The following CPS1 variants were observed in gnomAD, a reference collection of about 807,000 sequenced individuals.
The protein encoded by CPS1 is carbamoyl-phosphate synthase [ammonia], mitochondrial.
In CPS1, 109 loss-of-function variants were observed where a neutral mutation model predicts 174.6. The ratio of observed to expected loss-of-function variants is 0.62; its 90% CI spans 0.53 to 0.73. The LOEUF (loss-of-function observed/expected upper bound fraction) is 0.73. CPS1 is among the 30% of genes least tolerant of loss of function. The pLI is 0.00. For synonymous variants in CPS1, 637 were observed against 632.0 expected (o/e 1.01, Z -0.12); for missense variants, 1,689 against 1,821.9 (o/e 0.93, Z 1.33).
intron 11 of CPS1, chr2:210,593,440 T>C: frequency 9.9e-7 from 1 of 1,006,014 alleles, no homozygotes; most frequent in Non-Finnish European, 1.2e-6. Context: ...CATACATAGA[T>C]GATTCAGACG....
chr2:210,636,188 G>A (rs1248372417), intron 21 of CPS1, among the ~76,000 whole-genome samples: 7 of 152,044 alleles, frequency 4.6e-5, no homozygotes, highest in African/African-American at 1.7e-4. Context: ...CTGGCCCACA[G>A]GTATCTGGTT....
intron 1 of CPS1, among the ~76,000 whole-genome samples, chr2:210,505,661 GCA>G (rs1695258529): frequency 6.6e-6 from 1 of 152,180 alleles, no homozygotes; most frequent in South Asian, 2.1e-4. Flanking sequence ...GTGACAGAGG[GCA>G]CCTGGAAAAT....
chr2:210,656,480 A>T, intron 29 of CPS1, 45 bp from the exon 30 acceptor site: 1 of 1,403,658 alleles, frequency 7.1e-7, no homozygotes, highest in Non-Finnish European at 1.0e-6. Context: ...TGAAGGAAGT[A>T]CCTGAAAACT....
At chr2:210,513,848 TC>T (rs1199339048) in intron 1 of CPS1, among the ~76,000 whole-genome samples, 1 of 152,138 alleles carries the variant, frequency 6.6e-6, no homozygotes, top group Non-Finnish European at 1.5e-5. Flanking sequence ...TAATCCATCT[TC>T]AGTGGCTTTT....
At position 210,647,973 on chromosome 2, in the gene CPS1, C is replaced by T; in HGVS notation, c.3252C>T (p.Asp1084=). The T allele has an allele frequency of 6.2e-7, 1 of 1,614,052 alleles. No homozygotes were observed. The highest frequency in any genetic ancestry group is 8.5e-7 in the Non-Finnish European group (1 of 1,179,948). The change falls in exon 26 of 38, where the codon GAC becomes GAT. Residue 1084 remains aspartate, a synonymous_variant. Coordinates refer to ENST00000233072, the MANE Select transcript of CPS1 (RefSeq NM_001875.5). ...TGGGCACAAGCCCCCTGCAGATCGA[C>T]AGGGCTGAGGATCGCTCCATCTTCT... ...KIMGTSPLQI[D]RAEDRSIFSA...
chr2:210,634,781 CTAAA>C (rs1699991531), intron 21 of CPS1, among the ~76,000 whole-genome samples: 1 of 152,298 alleles, frequency 6.6e-6, no homozygotes, highest in South Asian at 2.1e-4. Flanking sequence ...CACGTACTCA[CTAAA>C]TGTTAAAGCA....
chr2:210,653,151 G>GAA (rs1337754155), intron 28 of CPS1, among the ~76,000 whole-genome samples: 2 of 152,082 alleles, frequency 1.3e-5, no homozygotes, highest in African/African-American at 4.8e-5. Flanking sequence ...AAGCTGAGGA[G>GAA]AAAAGATAGA....
At chr2:210,596,719 C>T (rs976311570) in intron 13 of CPS1, among the ~76,000 whole-genome samples, 3 of 151,906 alleles carry the variant, frequency 2.0e-5, no homozygotes, top group Non-Finnish European at 4.4e-5. Context: ...AGTTAGTACA[C>T]AATCTAAGTG....
chr2:210,594,485 T>A, intron 11 of CPS1, 23 bp from the exon 12 acceptor site: 1 of 1,525,768 alleles, frequency 6.6e-7, no homozygotes, highest in East Asian at 2.3e-5. Context: ...AGCTTCTAAC[T>A]AGTTGGTTGT....
intron 1 of CPS1, among the ~76,000 whole-genome samples, chr2:210,497,918 A>ATATATATATATATATC (rs970136471): frequency 2.8e-5 from 4 of 142,190 alleles, no homozygotes; most frequent in African/African-American, 5.3e-5. Flanking sequence ...ATATATATAT[A>ATATATATATATATATC]TCTCCAGTAA....
intron 1 of CPS1, among the ~76,000 whole-genome samples, chr2:210,521,861 CTG>C (rs1417818802): frequency 2.0e-5 from 3 of 151,886 alleles, no homozygotes; most frequent in African/African-American, 7.2e-5. Context: ...ATGTCAGACA[CTG>C]TGATTTATTT....
At chr2:210,593,423 G>C in intron 11 of CPS1, 1 of 1,048,986 alleles carries the variant, frequency 9.5e-7, no homozygotes, top group East Asian at 7.9e-5. Context: ...GAGAGGGCAT[G>C]CATGCACATA....
At chr2:210,602,179 T>C in intron 15 of CPS1, 23 bp from the exon 16 acceptor site, 1 of 1,611,770 alleles carries the variant, frequency 6.2e-7, no homozygotes. Context: ...TTTAAAATGT[T>C]GAGTCCTTGT....
At position 210,556,946 on chromosome 2, in the gene CPS1, A is replaced by G. The variant is rs545049698; in HGVS notation, c.126+87A>G. The G allele has an allele frequency of 3.8e-5, 55 of 1,449,674 alleles. No individual in the cohort carries two copies. In the East Asian group the frequency reaches 7.1e-4, roughly 19 times the overall value. The allele number at this position is 1,449,674 out of a possible 1,614,324, so 89.8% of individuals were successfully genotyped here. A position where few individuals can be genotyped will look rare whatever the true frequency, so the allele number is the denominator to read the frequency against. On this transcript the variant is annotated intron_variant, in intron 1 of 37. Coordinates refer to ENST00000233072, the MANE Select transcript of CPS1 (RefSeq NM_001875.5). The stretch of plus-strand genomic sequence containing the variant: ...AAGGTGTCCCTTACAAGGCAAATAC[A>G]GTTTTGAATGTAGCTCTGAAGTACT...
chr2:210,617,586 T>C (rs190044776), intron 21 of CPS1: 1 of 152,144 alleles, frequency 6.6e-6, no homozygotes, highest in Admixed American at 6.6e-5. Context: ...AACACTTGCT[T>C]TTCTTTTTGA....
intron 1 of CPS1, among the ~76,000 whole-genome samples, chr2:210,562,880 T>A (rs1697150820): frequency 6.6e-6 from 1 of 152,038 alleles, no homozygotes; most frequent in Admixed American, 6.6e-5. Flanking sequence ...TTTTTTTTTT[T>A]TTTCAAACCT....
Position 210,648,043 on chromosome 2 carries a change from G to T in CPS1, c.3322G>T (p.Ala1108Ser). The T allele has an allele frequency of 6.2e-7, 1 of 1,613,958 alleles. No homozygotes were observed. Among genetic ancestry groups the T allele is most frequent in the Non-Finnish European group, 8.5e-7 (1 of 1,179,894 alleles). ...ELKVAQAPWK[A>S]VNTLNEALEF... ...GAAGGTGGCTCAGGCACCTTGGAAAGCTGTTAATACTTTGGTAAGGAGAGA... is the reference window on the plus strand; with the variant it reads ...GAAGGTGGCTCAGGCACCTTGGAAATCTGTTAATACTTTGGTAAGGAGAGA... The change falls in exon 26 of 38, where the codon GCT becomes TCT. Residue 1108 changes from alanine to serine, a missense_variant. Transcript: ENST00000233072.
In CPS1 at chr2:210,593,223, T is replaced by C; in HGVS notation, c.1164+267T>C. ...AAACCCATTATCATTCTAATATATT[T>C]AGTTCTGAAATTTACAATTGTTGTA... On this transcript the variant is annotated intron_variant, in intron 11 of 37. Transcript: ENST00000233072. 4 of 656,320 alleles carry C rather than the reference T, an allele frequency of 6.1e-6. No individual in the cohort carries two copies. The South Asian group carries it at 8.4e-5, about 14-fold the overall frequency. The allele number at this position is 656,320 out of a possible 1,614,324, so 40.7% of individuals were successfully genotyped here.
chr2:210,674,544 T>C (rs1645649716), intron 34 of CPS1: 1 of 242,986 alleles, frequency 4.1e-6, no homozygotes, highest in Non-Finnish European at 8.1e-6. Context: ...CCTGACTCGG[T>C]ACTGGCTCCT....
Sources: gnomAD v4.1 joint callset for allele counts (sites outside exome capture counted in the v4.1 genomes callset) on GRCh38, gnomAD v4.1.1 for gene constraint, MANE v1.5 for transcripts, NCBI Gene and HGNC (gene_info 2026-07-23, HGNC 2026-07-21) for gene names.